FOXO3: variants seen among roughly 807,000 people sequenced by gnomAD.
FOXO3 encodes forkhead box O3.
Under a neutral mutation model 41.9 loss-of-function variants are expected in FOXO3, and 4 were observed. The ratio of observed to expected loss-of-function variants is 0.10; its 90% CI spans 0.05 to 0.22. The LOEUF (loss-of-function observed/expected upper bound fraction) is 0.22. Ranked by LOEUF, FOXO3 falls within the 10% of genes least tolerant of loss-of-function variation. The pLI is 1.00. For missense variants in FOXO3, 534 were observed against 906.8 expected (o/e 0.59, Z 5.28); for synonymous variants, 318 against 389.3 (o/e 0.82, Z 2.16).
At chr6:108,607,465 AG>A (rs761459665) in intron 1 of FOXO3, among the ~76,000 whole-genome samples, 2 of 150,584 alleles carry the variant, frequency 1.3e-5, no homozygotes, top group African/African-American at 2.4e-5. Context: ...AAAAAAAAAA[AG>A]AAGAAGGAGT....
intron 1 of FOXO3, among the ~76,000 whole-genome samples, chr6:108,641,710 C>A (rs1164275860): frequency 1.3e-5 from 2 of 152,010 alleles, no homozygotes; most frequent in Non-Finnish European, 2.9e-5. Flanking sequence ...CTGCAGAATA[C>A]CTGAACACCC....
chr6:108,653,762 A>G (rs1449701912), intron 1 of FOXO3, among the ~76,000 whole-genome samples: 2 of 152,216 alleles, frequency 1.3e-5, no homozygotes, highest in African/African-American at 4.8e-5. Flanking sequence ...TAAGTTTTCA[A>G]ACTGGAAAAA....
At chr6:108,647,892 G>A (rs1314864203) in intron 1 of FOXO3, among the ~76,000 whole-genome samples, 3 of 152,100 alleles carry the variant, frequency 2.0e-5, no homozygotes, top group African/African-American at 4.8e-5. Flanking sequence ...AAATGTCATC[G>A]TATGTGTTTG....
chr6:108,600,980 A>G (rs1430369181), intron 1 of FOXO3, among the ~76,000 whole-genome samples: 1 of 152,182 alleles, frequency 6.6e-6, no homozygotes, highest in African/African-American at 2.4e-5. Flanking sequence ...AAGATACAGA[A>G]CATTTCTTAT....
At chr6:108,560,910 G>C, upstream of FOXO3, 5 of 1,199,422 alleles carry the variant, frequency 4.2e-6, no homozygotes, top group Non-Finnish European at 5.3e-6. Flanking sequence ...CGGCCTGGCC[G>C]GGGGGCGGTG....
chr6:108,660,770 G>A (rs903909197), intron 1 of FOXO3, among the ~76,000 whole-genome samples: 4 of 152,190 alleles, frequency 2.6e-5, no homozygotes, highest in Non-Finnish European at 5.9e-5. Context: ...ACTTTGGGAG[G>A]CCGAGGCGGG....
At chr6:108,606,429 C>T (rs1777202990) in intron 1 of FOXO3, among the ~76,000 whole-genome samples, 1 of 152,194 alleles carries the variant, frequency 6.6e-6, no homozygotes, top group African/African-American at 2.4e-5. Context: ...TCCTCCCCTT[C>T]CCCCTAAACT....
At chr6:108,571,773 T>A (rs544014296) in intron 1 of FOXO3, among the ~76,000 whole-genome samples, 2 of 152,194 alleles carry the variant, frequency 1.3e-5, no homozygotes, top group African/African-American at 4.8e-5. Flanking sequence ...TTTTGTTGTT[T>A]TAAGCCCTGA....
chr6:108,589,998 T>C (rs1776691419), intron 1 of FOXO3, among the ~76,000 whole-genome samples: 1 of 152,152 alleles, frequency 6.6e-6, no homozygotes, highest in Non-Finnish European at 1.5e-5. Flanking sequence ...ATTAAGAGAG[T>C]TATTCTTAAA....
At chr6:108,575,797 A>G (rs1776245587) in intron 1 of FOXO3, among the ~76,000 whole-genome samples, 1 of 152,222 alleles carries the variant, frequency 6.6e-6, no homozygotes, top group African/African-American at 2.4e-5. Flanking sequence ...GTGTGAATAT[A>G]CCTGTCATGC....
chr6:108,659,393 GC>G (rs1273978354), intron 1 of FOXO3, among the ~76,000 whole-genome samples: 1 of 152,094 alleles, frequency 6.6e-6, no homozygotes, highest in African/African-American at 2.4e-5. Flanking sequence ...TTGGTAAGAG[GC>G]CTATATGAAA....
intron 1 of FOXO3, among the ~76,000 whole-genome samples, chr6:108,577,320 C>T (rs1776289579): frequency 6.6e-6 from 1 of 152,140 alleles, no homozygotes; most frequent in Non-Finnish European, 1.5e-5. Context: ...ATTTTTGAAC[C>T]TGAGACAGCC....
chr6:108,639,017 G>A (rs1297289921), intron 1 of FOXO3, among the ~76,000 whole-genome samples: 2 of 152,082 alleles, frequency 1.3e-5, no homozygotes, highest in South Asian at 2.1e-4. Flanking sequence ...CTAGATGGCC[G>A]TCCTTGGGAG....
chr6:108,637,782 A>G (rs1484689115), intron 1 of FOXO3, among the ~76,000 whole-genome samples: 1 of 151,962 alleles, frequency 6.6e-6, no homozygotes, highest in Non-Finnish European at 1.5e-5. Context: ...TGTAGTTAAT[A>G]TTGTCCTCAT....
At chr6:108,574,912 G>A (rs1183812265) in intron 1 of FOXO3, among the ~76,000 whole-genome samples, 1 of 152,168 alleles carries the variant, frequency 6.6e-6, no homozygotes, top group East Asian at 1.9e-4. Flanking sequence ...CCAGAGGATA[G>A]ACTGAAACTC....
At chr6:108,570,947 T>G (rs1210952248) in intron 1 of FOXO3, among the ~76,000 whole-genome samples, 1 of 152,212 alleles carries the variant, frequency 6.6e-6, no homozygotes, top group Non-Finnish European at 1.5e-5. Flanking sequence ...CACTCCTAGA[T>G]CATTAAATGA....
At chr6:108,581,910 A>G (rs1776432230) in intron 1 of FOXO3, among the ~76,000 whole-genome samples, 1 of 152,214 alleles carries the variant, frequency 6.6e-6, no homozygotes, top group Non-Finnish European at 1.5e-5. Flanking sequence ...GTTTAAAAAA[A>G]CTTGGTTGTC....
At chr6:108,564,466 AG>A (rs948134570) in intron 1 of FOXO3, among the ~76,000 whole-genome samples, 3 of 152,244 alleles carry the variant, frequency 2.0e-5, no homozygotes, top group Admixed American at 2.0e-4. Flanking sequence ...GTAATGTAAG[AG>A]GATTTTTAAC....
rs755120817 is a variant in FOXO3 at position 108,663,668 on chromosome 6, G to A, written c.835G>A (p.Glu279Lys). The A allele has an allele frequency of 1.2e-5, 20 of 1,612,654 alleles. No homozygotes were observed. Among genetic ancestry groups the A allele is most frequent in the South Asian group, 7.7e-5 (7 of 90,932 alleles). The change falls in exon 2 of 3, where the codon GAA becomes AAA. Residue 279 changes from glutamate to lysine, a missense_variant. Glu to Lys is a moderately conservative substitution (Grantham distance 56). Around this residue, in one of 8 missense-constraint regions of FOXO3, gnomAD observed 77 missense variants for 193.2 expected, o/e 0.40. Transcript: ENST00000406360. ...KKKAALQTAP[E>K]SADDSPSQLS... Reference sequence around the variant, plus strand: ...GAAGGCAGCCCTGCAGACAGCCCCCGAATCAGCTGACGACAGTCCCTCCCA... The same window carrying A: ...GAAGGCAGCCCTGCAGACAGCCCCCAAATCAGCTGACGACAGTCCCTCCCA...
Sources: gnomAD v4.1 joint callset for allele counts (sites outside exome capture counted in the v4.1 genomes callset) on GRCh38, gnomAD v4.1.1 for gene constraint, gnomAD v4.1.1 regional missense constraint, MANE v1.5 for transcripts, NCBI Gene and HGNC (gene_info 2026-07-23, HGNC 2026-07-21) for gene names.